The following GNG7 variants were observed in gnomAD, a reference collection of about 807,000 sequenced individuals.
The protein encoded by GNG7 is guanine nucleotide-binding protein G(I)/G(S)/G(O) subunit gamma-7.
GNG7 carries 1 observed loss-of-function variant against 4.0 expected under a neutral mutation model. The observed-to-expected ratio is 0.25, with a 90% CI of 0.09 to 1.18. The LOEUF (loss-of-function observed/expected upper bound fraction) is 1.18. GNG7 is among the 50% of genes most tolerant of loss of function. GNG7 has a pLI of 0.50. For missense variants in GNG7, 86 were observed against 91.9 expected (o/e 0.94, Z 0.26); for synonymous variants, 34 against 36.9 (o/e 0.92, Z 0.29).
At position 2,567,350 on chromosome 19, in the gene GNG7, T is replaced by TGTGTGTGTGTGTGTGTGTGTGTGTGTGA. The variant is rs1259433698; in HGVS notation, c.-77-12163_-77-12162insTCACACACACACACACACACACACACAC. Among the ~76,000 whole-genome samples the TGTGTGTGTGTGTGTGTGTGTGTGTGTGA allele has an allele frequency of 6.0e-3, 899 of 150,906 alleles. 19 individuals are homozygous for TGTGTGTGTGTGTGTGTGTGTGTGTGTGA. Among genetic ancestry groups the TGTGTGTGTGTGTGTGTGTGTGTGTGTGA allele is most frequent in the African/African-American group, 0.021 (851 of 40,588 alleles). ...GTCGATTTGTGTGTGTGTGTGTGTG[T>TGTGTGTGTGTGTGTGTGTGTGTGTGTGA]GACATAGGGTCTCACTCTGTCACCC... On this transcript the variant is annotated intron_variant, in intron 2 of 4. Coordinates refer to ENST00000382159, the MANE Select transcript of GNG7 (RefSeq NM_052847.3).
At chr19:2,597,895 CAAAA>C (rs71178295) in intron 2 of GNG7, among the ~76,000 whole-genome samples, 3 of 118,312 alleles carry the variant, frequency 2.5e-5, no homozygotes, top group African/African-American at 3.3e-5. Flanking sequence ...GACTCTGTTT[CAAAA>C]AAAAAAAAAA....
At chr19:2,629,536 T>G (rs1481071361) in intron 2 of GNG7, among the ~76,000 whole-genome samples, 1 of 152,152 alleles carries the variant, frequency 6.6e-6, no homozygotes, top group East Asian at 1.9e-4. Flanking sequence ...ACACACCTAG[T>G]GCCACCCCCT....
chr19:2,585,834 G>T (rs1980655690), intron 2 of GNG7, among the ~76,000 whole-genome samples: 1 of 152,030 alleles, frequency 6.6e-6, no homozygotes, highest in African/African-American at 2.4e-5. Context: ...CCGAGTAGCT[G>T]GGATTACAGG....
At position 2,618,676 on chromosome 19, in the gene GNG7, T is replaced by A. The variant is rs1056301853; in HGVS notation, c.-78+27548A>T. 6.6e-6 allele frequency among the ~76,000 whole-genome samples: 1 copy of A among 151,830 alleles called. No homozygotes were observed. Among genetic ancestry groups the A allele is most frequent in the Non-Finnish European group, 1.5e-5 (1 of 67,988 alleles). On this transcript the variant is annotated intron_variant, in intron 2 of 4. Transcript: ENST00000382159. This position sits in a 1 kb window ranked among gnomAD's most constrained non-coding sequence, Gnocchi z 5.1. Reference sequence around the variant, plus strand: ...TTCTATTTTTTTTTTAATAAACAATTTTATTTGGAGTAATTTTAGATTTAC... The same window carrying A: ...TTCTATTTTTTTTTTAATAAACAATATTATTTGGAGTAATTTTAGATTTAC...
chr19:2,535,494 T>C (rs1978707411), intron 3 of GNG7, among the ~76,000 whole-genome samples: 1 of 130,356 alleles, frequency 7.7e-6, no homozygotes, highest in Non-Finnish European at 1.6e-5. Context: ...AGTAAGACCT[T>C]GTCTCAAAAA....
intron 3 of GNG7, among the ~76,000 whole-genome samples, chr19:2,520,950 C>T (rs960572522): frequency 3.9e-5 from 6 of 152,088 alleles, no homozygotes; most frequent in African/African-American, 2.4e-5. Context: ...GTTTGCAGAA[C>T]GAGAGAATGA....
intron 2 of GNG7, among the ~76,000 whole-genome samples, chr19:2,576,189 G>C (rs114648133): frequency 0.014 from 2,183 of 152,376 alleles, 50 homozygotes; most frequent in African/African-American, 0.049. Flanking sequence ...AGGCTGGCAG[G>C]CTCCAAGACT....
At chr19:2,539,704 G>A (rs948859270) in intron 3 of GNG7, among the ~76,000 whole-genome samples, 3 of 152,124 alleles carry the variant, frequency 2.0e-5, no homozygotes, top group African/African-American at 7.2e-5. Context: ...GCTGGAGGCT[G>A]GGTGTCGTCC....
intron 2 of GNG7, among the ~76,000 whole-genome samples, chr19:2,596,298 G>A (rs2144807035): frequency 6.6e-6 from 1 of 152,236 alleles, no homozygotes; most frequent in East Asian, 1.9e-4. Context: ...GGTGGAGGTT[G>A]CAGTGAGCTG....
chr19:2,584,621 G>GAGGA (rs199854520), intron 2 of GNG7, among the ~76,000 whole-genome samples: 5 of 107,718 alleles, frequency 4.6e-5, no homozygotes, highest in Admixed American at 2.2e-4. Context: ...GGGAAGGAAG[G>GAGGA]AGGAAGGAAG....
At chr19:2,572,587 G>A (rs1301985359) in intron 2 of GNG7, among the ~76,000 whole-genome samples, 1 of 146,086 alleles carries the variant, frequency 6.8e-6, no homozygotes, top group Non-Finnish European at 1.5e-5. Flanking sequence ...GTAAGCCACC[G>A]CGCCCGGCCC....
At position 2,688,183 on chromosome 19, in the gene GNG7, G is replaced by A. The variant is rs1352976723; in HGVS notation, c.-135+14463C>T. ...CAGGAGAATGGTGTAAACCCAGGAG[G>A]TGGAGCTTGCAGTGAGCCAAGATCG... On this transcript the variant is annotated intron_variant, in intron 1 of 4. Coordinates refer to ENST00000382159, the MANE Select transcript of GNG7 (RefSeq NM_052847.3). Among the ~76,000 whole-genome samples the A allele has an allele frequency of 2.0e-5, 3 of 152,230 alleles. No homozygotes were observed. The East Asian group carries it at 5.8e-4, about 29-fold the overall frequency.
At chr19:2,531,258 C>T (rs11671281) in intron 3 of GNG7, among the ~76,000 whole-genome samples, 42,758 of 137,160 alleles carry the variant, frequency 0.31, 7,107 homozygotes, top group South Asian at 0.4. Context: ...GAACCGAGAT[C>T]GTGCCACTGT....
At chr19:2,679,482 G>T (rs976935927) in intron 1 of GNG7, among the ~76,000 whole-genome samples, 1 of 151,984 alleles carries the variant, frequency 6.6e-6, no homozygotes, top group Admixed American at 6.6e-5. Context: ...TGACCCTAGG[G>T]AGTGATTCCT....
At chr19:2,589,502 G>A (rs1339864350) in intron 2 of GNG7, among the ~76,000 whole-genome samples, 1 of 150,390 alleles carries the variant, frequency 6.6e-6, no homozygotes, top group Non-Finnish European at 1.5e-5. Flanking sequence ...TCACAGGCAT[G>A]AGCCACCATG....
intron 3 of GNG7, among the ~76,000 whole-genome samples, chr19:2,542,347 C>T (rs552451084): frequency 1.3e-5 from 2 of 151,932 alleles, no homozygotes; most frequent in African/African-American, 4.8e-5. Context: ...AACTCCTGGC[C>T]TCAAGCAATC....
At chr19:2,564,170 C>T (rs938125022) in intron 2 of GNG7, among the ~76,000 whole-genome samples, 1 of 152,140 alleles carries the variant, frequency 6.6e-6, no homozygotes, top group Non-Finnish European at 1.5e-5. Context: ...AAGCTTGGCA[C>T]GTAACCTTCT....
intron 2 of GNG7, among the ~76,000 whole-genome samples, chr19:2,564,091 T>C (rs1188958768): frequency 6.6e-6 from 1 of 152,082 alleles, no homozygotes; most frequent in Non-Finnish European, 1.5e-5. Context: ...AATTTTCAAC[T>C]CAAGAAAAAG....
At chr19:2,672,330 A>G (rs1245657865) in intron 1 of GNG7, among the ~76,000 whole-genome samples, 1 of 150,974 alleles carries the variant, frequency 6.6e-6, no homozygotes, top group Non-Finnish European at 1.5e-5. Flanking sequence ...CTATTTTTAA[A>G]TATTTTGTAG....
Sources: allele counts gnomAD v4.1 joint callset (sites outside exome capture counted in the v4.1 genomes callset), GRCh38; gene constraint gnomAD v4.1.1; non-coding constraint Gnocchi (gnomAD v3.1); transcripts MANE v1.5; gene names NCBI Gene and HGNC (gene_info 2026-07-23, HGNC 2026-07-21).